CYRIB: variants seen among roughly 807,000 people sequenced by gnomAD.
CYRIB encodes CYFIP-related Rac1 interactor B.
Under a neutral mutation model 44.2 loss-of-function variants are expected in CYRIB, and 8 were observed. The ratio of observed to expected loss-of-function variants is 0.18; its 90% CI spans 0.11 to 0.33. The LOEUF (loss-of-function observed/expected upper bound fraction) is 0.33. Among genes scored for constraint, CYRIB ranks in the 10% least tolerant of loss-of-function variants. The probability of loss-of-function intolerance (pLI) is 1.00; values close to 1 mark genes in which losing one functional copy is unlikely to be tolerated. For missense variants in CYRIB, 185 were observed against 382.8 expected (o/e 0.48, Z 4.31); for synonymous variants, 131 against 127.2 (o/e 1.03, Z -0.20).
chr8:129,912,569 C>T (rs1039464494), intron 1 of CYRIB: 10 of 152,142 alleles, frequency 6.6e-5, no homozygotes, highest in African/African-American at 1.9e-4. Flanking sequence ...TGCACAGATG[C>T]ACTCTGGGGT....
chr8:130,008,794 A>T (rs980336245), intron 1 of CYRIB, among the ~76,000 whole-genome samples: 1 of 152,252 alleles, frequency 6.6e-6, no homozygotes, highest in Admixed American at 6.5e-5. Context: ...AGGGCAAGAC[A>T]CAAAACCAGA....
At chr8:129,840,962 G>C (rs541729652) in exon 12 of CYRIB, 1 of 152,318 alleles carries the variant, frequency 6.6e-6, no homozygotes, top group African/African-American at 2.4e-5. Flanking sequence ...TAAAACACTG[G>C]CATGGTTGAA....
intron 2 of CYRIB, among the ~76,000 whole-genome samples, chr8:129,900,652 T>G (rs2071117550): frequency 6.6e-6 from 1 of 152,206 alleles, no homozygotes; most frequent in African/African-American, 2.4e-5. Context: ...TCTTAAAATT[T>G]TGGTGTCTCA....
intron 2 of CYRIB, among the ~76,000 whole-genome samples, chr8:129,885,665 C>T (rs919568788): frequency 5.9e-5 from 9 of 152,116 alleles, no homozygotes; most frequent in Admixed American, 5.2e-4. Context: ...CCTCCAGACA[C>T]TGTCAAATGT....
chr8:129,932,528 G>A (rs899413400), intron 1 of CYRIB, among the ~76,000 whole-genome samples: 2 of 152,178 alleles, frequency 1.3e-5, no homozygotes, highest in South Asian at 4.1e-4. Flanking sequence ...ACATCATCCT[G>A]TAGACTGAGG....
intron 2 of CYRIB, among the ~76,000 whole-genome samples, chr8:129,897,685 A>G (rs2068770247): frequency 6.6e-6 from 1 of 151,358 alleles, no homozygotes; most frequent in Non-Finnish European, 1.5e-5. Flanking sequence ...CTATAATCCC[A>G]GCAGTTTGGG....
chr8:129,987,576 T>C (rs1020904914), intron 1 of CYRIB, among the ~76,000 whole-genome samples: 1 of 148,640 alleles, frequency 6.7e-6, no homozygotes, highest in African/African-American at 2.5e-5. Context: ...TTCTTTTTTT[T>C]TTTTTTTTTA....
chr8:129,881,707 G>A (rs1252809176), intron 2 of CYRIB, among the ~76,000 whole-genome samples: 1 of 151,912 alleles, frequency 6.6e-6, no homozygotes, highest in Non-Finnish European at 1.5e-5. Context: ...GGGGGAGGTG[G>A]AGATCTATCT....
At chr8:129,989,053 C>G (rs1445340215) in intron 1 of CYRIB, among the ~76,000 whole-genome samples, 1 of 152,186 alleles carries the variant, frequency 6.6e-6, no homozygotes, top group East Asian at 1.9e-4. Flanking sequence ...AGGACAAATA[C>G]CAGGTTCTGT....
chr8:129,965,828 C>A (rs141655742), intron 2 of CYRIB, among the ~76,000 whole-genome samples: 63 of 151,460 alleles, frequency 4.2e-4, no homozygotes, highest in Non-Finnish European at 8.1e-4. Flanking sequence ...TCAATCAATT[C>A]GCTACTTTTT....
At chr8:129,909,182 C>A (rs143449895) in intron 1 of CYRIB, among the ~76,000 whole-genome samples, 2 of 152,076 alleles carry the variant, frequency 1.3e-5, no homozygotes, top group East Asian at 3.9e-4. Flanking sequence ...TTTTTAATTA[C>A]CTCCAGGAAA....
intron 2 of CYRIB, among the ~76,000 whole-genome samples, chr8:129,886,958 C>T (rs2063016056): frequency 6.6e-6 from 1 of 152,168 alleles, no homozygotes; most frequent in Admixed American, 6.5e-5. Flanking sequence ...TTTCTCTGCT[C>T]AAAGCCATGC....
At chr8:129,874,309 G>T (rs754503221) in intron 3 of CYRIB, among the ~76,000 whole-genome samples, 11 of 152,150 alleles carry the variant, frequency 7.2e-5, no homozygotes, top group Non-Finnish European at 1.5e-4. Flanking sequence ...TGTTCTTATT[G>T]AAGGTAAATT....
chr8:129,946,711 T>C (rs1485136607), intron 2 of CYRIB, among the ~76,000 whole-genome samples: 5 of 152,200 alleles, frequency 3.3e-5, no homozygotes, highest in South Asian at 4.1e-4. Context: ...CCCCGAGTTA[T>C]AAGGTTTATC....
chr8:130,011,875 C>T (rs1260791738), intron 1 of CYRIB, among the ~76,000 whole-genome samples: 1 of 151,682 alleles, frequency 6.6e-6, no homozygotes, highest in East Asian at 1.9e-4. Context: ...AAAAAAAGAA[C>T]GCTGAGGCCT....
intron 7 of CYRIB, among the ~76,000 whole-genome samples, chr8:129,853,958 CTA>C: frequency 6.6e-6 from 1 of 152,298 alleles, no homozygotes; most frequent in African/African-American, 2.4e-5. Context: ...AAACTCGTAA[CTA>C]TGAATTCACA....
At chr8:129,959,083 A>AAC (rs1564421868) in intron 2 of CYRIB, among the ~76,000 whole-genome samples, 1 of 143,784 alleles carries the variant, frequency 7.0e-6, no homozygotes, top group African/African-American at 2.7e-5. Context: ...AAAAAAAAAA[A>AAC]ACAAAGGCAG....
chr8:129,880,385 C>T (rs961393896), intron 2 of CYRIB: 1 of 985,686 alleles, frequency 1.0e-6, no homozygotes, highest in African/African-American at 1.7e-5. Flanking sequence ...CTTTCAAAGT[C>T]CAAGAAAAAA....
At chr8:129,957,298 TA>T (rs1208220712) in intron 2 of CYRIB, among the ~76,000 whole-genome samples, 1 of 152,106 alleles carries the variant, frequency 6.6e-6, no homozygotes, top group Non-Finnish European at 1.5e-5. Context: ...TGGACAGACT[TA>T]GGGGAAATCT....
Sources: allele counts gnomAD v4.1 joint callset (sites outside exome capture counted in the v4.1 genomes callset), GRCh38; gene constraint gnomAD v4.1.1; transcripts MANE v1.5; gene names NCBI Gene and HGNC (gene_info 2026-07-23, HGNC 2026-07-21).